QRICH1: variants seen among roughly 807,000 people sequenced by gnomAD.
QRICH1 encodes glutamine rich 1.
A neutral mutation model predicts 87.1 loss-of-function variants in QRICH1; 16 were observed. The ratio of observed to expected loss-of-function variants is 0.18; its 90% CI spans 0.12 to 0.28. The LOEUF (loss-of-function observed/expected upper bound fraction) is 0.28, where lower values mean the gene tolerates loss of function less well. Ranked by LOEUF, QRICH1 falls within the 10% of genes least tolerant of loss-of-function variation. The probability of loss-of-function intolerance (pLI) is 1.00; values close to 1 mark genes in which losing one functional copy is unlikely to be tolerated. For missense variants in QRICH1, 647 were observed against 951.7 expected, an observed-to-expected ratio of 0.68 and a Z score of 4.21; for synonymous variants, 367 against 368.4, an observed-to-expected ratio of 1.00 and a Z score of 0.05.
At chr3:49,088,097 G>A (rs1234140822) in intron 1 of QRICH1, among the ~76,000 whole-genome samples, 9 of 150,504 alleles carry the variant, frequency 6.0e-5, no homozygotes, top group Non-Finnish European at 1.0e-4. Context: ...GACCACAGGC[G>A]CCCGCCACCA....
At chr3:49,053,717 G>A (rs1298216137) in intron 3 of QRICH1, among the ~76,000 whole-genome samples, 1 of 152,124 alleles carries the variant, frequency 6.6e-6, no homozygotes, top group East Asian at 1.9e-4. Context: ...GAAAAATGGG[G>A]CCACAGATGG....
chr3:49,046,499 G>A lies in QRICH1; in HGVS notation c.1597C>T (p.Arg533Trp), dbSNP rs1217489623. The A allele has an allele frequency of 1.2e-6, 2 of 1,613,932 alleles. No individual in the cohort carries two copies. Among genetic ancestry groups the A allele is most frequent in the African/African-American group, 1.3e-5 (1 of 74,892 alleles). ...ELNYGLCLMT[R>W]EARNGEGEPY... Reference sequence around the variant, plus strand: ...TCACCTTCTCCATTTCGAGCTTCCCGTGTCATTAGACAGAGCCCATAATTC... The same window carrying A: ...TCACCTTCTCCATTTCGAGCTTCCCATGTCATTAGACAGAGCCCATAATTC... Residue 533 changes from arginine (R) to tryptophan (W), a missense_variant, in exon 5 of 10, where the codon CGG (arginine) becomes TGG (tryptophan). By Grantham distance (101) the Arg-to-Trp change is moderately radical. Transcript: ENST00000395443.
intron 1 of QRICH1, chr3:49,092,317 A>G (rs1308510148): frequency 3.3e-5 from 5 of 152,056 alleles, no homozygotes; most frequent in Non-Finnish European, 7.4e-5. Flanking sequence ...CCCAGAATTG[A>G]CAGGATTTGT....
rs1172123699 is a variant in QRICH1, at chr3:49,047,257, G to A, written c.1339-11C>T. ...CTGGACAGTTTGAGCCTATAGGAGAGAAACCATGAAAATGTGTCAATATTG... is the reference window on the plus strand; with the variant it reads ...CTGGACAGTTTGAGCCTATAGGAGAAAAACCATGAAAATGTGTCAATATTG... On this transcript the variant is annotated splice_polypyrimidine_tract_variant and intron_variant, in intron 3 of 9. Coordinates refer to ENST00000395443, the MANE Select transcript of QRICH1 (RefSeq NM_198880.3). 6.3e-7 allele frequency: 1 copy of A among 1,595,058 alleles called. No individual in the cohort carries two copies. The highest frequency in any genetic ancestry group is 8.5e-7 in the Non-Finnish European group (1 of 1,169,666).
chr3:49,089,192 T>C (rs1209004979), intron 1 of QRICH1, among the ~76,000 whole-genome samples: 1 of 152,052 alleles, frequency 6.6e-6, no homozygotes, highest in Non-Finnish European at 1.5e-5. Flanking sequence ...CCCGAGTAGT[T>C]GGGATTACAG....
intron 2 of QRICH1, among the ~76,000 whole-genome samples, chr3:49,062,253 T>C (rs2093439349): frequency 6.6e-6 from 1 of 150,940 alleles, no homozygotes; most frequent in Non-Finnish European, 1.5e-5. Context: ...CAAAATTGCC[T>C]GAACCTGGGA....
chr3:49,061,604 G>C (rs1019879427), intron 2 of QRICH1, among the ~76,000 whole-genome samples: 1 of 152,198 alleles, frequency 6.6e-6, no homozygotes, highest in Non-Finnish European at 1.5e-5. Context: ...TGTAATCCCA[G>C]CTCTGTGGGA....
intron 2 of QRICH1, among the ~76,000 whole-genome samples, chr3:49,063,970 C>A (rs1440112741): frequency 1.3e-5 from 2 of 150,484 alleles, no homozygotes; most frequent in Non-Finnish European, 1.5e-5. Context: ...GCAATGGTGC[C>A]ATCTCAGCTC....
At chr3:49,091,508 G>A (rs2042274304) in intron 1 of QRICH1, among the ~76,000 whole-genome samples, 1 of 152,092 alleles carries the variant, frequency 6.6e-6, no homozygotes. Flanking sequence ...TACTTTCCTA[G>A]AGCAATTCAA....
At chr3:49,038,722 T>C (rs970045224) in intron 6 of QRICH1, among the ~76,000 whole-genome samples, 23 of 152,210 alleles carry the variant, frequency 1.5e-4, no homozygotes, top group African/African-American at 5.1e-4. Flanking sequence ...CAGCCATTTT[T>C]TTAAATTATT....
At chr3:49,082,411 C>T (rs746113580) in intron 1 of QRICH1, among the ~76,000 whole-genome samples, 1 of 152,096 alleles carries the variant, frequency 6.6e-6, no homozygotes, top group Non-Finnish European at 1.5e-5. Context: ...CAAATAAATC[C>T]TACCAGCCAG....
At chr3:49,073,048 A>T (rs1378270127) in intron 2 of QRICH1, among the ~76,000 whole-genome samples, 2 of 151,970 alleles carry the variant, frequency 1.3e-5, no homozygotes, top group South Asian at 4.2e-4. Context: ...TTAAAAAAAA[A>T]ACAGAAAAAA....
intron 2 of QRICH1, among the ~76,000 whole-genome samples, chr3:49,070,198 G>A (rs1214094446): frequency 2.0e-5 from 3 of 151,838 alleles, no homozygotes; most frequent in Admixed American, 6.6e-5. Flanking sequence ...CAACATGCCC[G>A]GCTGATTTTT....
At chr3:49,090,252 G>C (rs1019356809) in intron 1 of QRICH1, among the ~76,000 whole-genome samples, 1 of 152,216 alleles carries the variant, frequency 6.6e-6, no homozygotes, top group African/African-American at 2.4e-5. Context: ...GAGGTCAGGA[G>C]ATCAAGACCA....
intron 6 of QRICH1, among the ~76,000 whole-genome samples, chr3:49,037,370 A>T (rs1189831911): frequency 2.0e-5 from 3 of 152,242 alleles, no homozygotes; most frequent in African/African-American, 7.2e-5. Flanking sequence ...ACTGTGTGAC[A>T]ATTTCAAAGG....
At chr3:49,053,917 A>C (rs1175109665) in intron 3 of QRICH1, among the ~76,000 whole-genome samples, 1 of 152,136 alleles carries the variant, frequency 6.6e-6, no homozygotes, top group African/African-American at 2.4e-5. Context: ...AGGGTAGAAA[A>C]GACTGTCTTA....
intron 2 of QRICH1, among the ~76,000 whole-genome samples, chr3:49,061,167 A>AAAAAAAC (rs2093432581): frequency 7.5e-6 from 1 of 132,626 alleles, no homozygotes; most frequent in African/African-American, 2.8e-5. Context: ...AAAAAAAAAA[A>AAAAAAAC]TCTAACACCT....
chr3:49,035,352 G>C (rs747458597), intron 6 of QRICH1, among the ~76,000 whole-genome samples: 1 of 152,056 alleles, frequency 6.6e-6, no homozygotes, highest in African/African-American at 2.4e-5. Context: ...GATTACAGGC[G>C]GGAGCCACCA....
chr3:49,060,537 C>A (rs533140205), intron 2 of QRICH1, among the ~76,000 whole-genome samples: 3 of 151,624 alleles, frequency 2.0e-5, no homozygotes, highest in African/African-American at 7.2e-5. Flanking sequence ...ACCATGTTGG[C>A]CAGGCTGGTC....
Sources: allele counts gnomAD v4.1 joint callset (sites outside exome capture counted in the v4.1 genomes callset), GRCh38; gene constraint gnomAD v4.1.1; transcripts MANE v1.5; gene names NCBI Gene and HGNC (gene_info 2026-07-23, HGNC 2026-07-21).